The following SYT1 variants were observed in gnomAD, a reference collection of about 807,000 sequenced individuals.
SYT1 encodes synaptotagmin 1.
Under a neutral mutation model 44.8 loss-of-function variants are expected in SYT1, and 8 were observed. The observed-to-expected ratio is 0.18, with a 90% CI of 0.10 to 0.32. The LOEUF (loss-of-function observed/expected upper bound fraction) is 0.32, where lower values mean the gene tolerates loss of function less well. Ranked by LOEUF, SYT1 falls within the 10% of genes least tolerant of loss-of-function variation. SYT1 has a pLI of 1.00. For synonymous variants in SYT1, 154 were observed against 188.8 expected (o/e 0.82, Z 1.51); for missense variants, 286 against 509.3 (o/e 0.56, Z 4.22).
intron 4 of SYT1, among the ~76,000 whole-genome samples, chr12:79,276,686 CAAAA>C (rs924659845): frequency 6.9e-6 from 1 of 145,170 alleles, no homozygotes; most frequent in Admixed American, 6.8e-5. Flanking sequence ...AAAAAAAAAA[CAAAA>C]AAACCAGAAC....
At chr12:79,348,992 AG>A (rs1882737856) in intron 8 of SYT1, among the ~76,000 whole-genome samples, 2 of 95,510 alleles carry the variant, frequency 2.1e-5, no homozygotes, top group South Asian at 3.6e-4. Flanking sequence ...AGAAAGAAAG[AG>A]AGAAGGAAAG....
chr12:79,402,676 G>C (rs1329388597), intron 9 of SYT1, among the ~76,000 whole-genome samples: 1 of 152,198 alleles, frequency 6.6e-6, no homozygotes. Context: ...TTGATGTAGA[G>C]ATCTCTGTGA....
chr12:78,970,093 G>A (rs1285817590), intron 1 of SYT1, among the ~76,000 whole-genome samples: 1 of 152,140 alleles, frequency 6.6e-6, no homozygotes, highest in Non-Finnish European at 1.5e-5. Context: ...TCCACTCAAT[G>A]TATTAATGAT....
At chr12:79,220,494 C>A (rs1875093007) in intron 4 of SYT1, among the ~76,000 whole-genome samples, 1 of 151,726 alleles carries the variant, frequency 6.6e-6, no homozygotes, top group Non-Finnish European at 1.5e-5. Flanking sequence ...TCTTGAGGTT[C>A]AACATTAGGC....
chr12:79,365,744 G>C (rs1883513828), intron 9 of SYT1, among the ~76,000 whole-genome samples: 1 of 143,826 alleles, frequency 7.0e-6, no homozygotes, highest in South Asian at 2.2e-4. Context: ...AATAAGAAAG[G>C]ATTTTAAAGT....
Position 79,335,826 on chromosome 12 carries a change from A to C in SYT1, c.811-17676A>C, listed in dbSNP as rs182249689. ...AAAGGACATCTCTGGCTGTTCCAGC[A>C]ACAGCCAGAACTTGTTTCTGTTCTG... is the stretch of plus-strand genomic sequence containing the variant. On this transcript the variant is annotated intron_variant, in intron 8 of 10. Coordinates refer to ENST00000261205, the MANE Select transcript of SYT1 (RefSeq NM_005639.3). Among the ~76,000 whole-genome samples, 200 of 152,326 alleles carry C rather than the reference A, an allele frequency of 1.3e-3. 3 individuals carry two copies. Among genetic ancestry groups the C allele is most frequent in the African/African-American group, 4.6e-3 (191 of 41,572 alleles).
chr12:79,193,489 C>T (rs1386646988), intron 3 of SYT1, among the ~76,000 whole-genome samples: 1 of 152,102 alleles, frequency 6.6e-6, no homozygotes, highest in African/African-American at 2.4e-5. Context: ...AGTTAAAATT[C>T]AGGTGTGTAA....
chr12:78,883,047 T>A (rs1467096241), intron 1 of SYT1, among the ~76,000 whole-genome samples: 3 of 151,644 alleles, frequency 2.0e-5, no homozygotes, highest in Non-Finnish European at 3.0e-5. Context: ...TATGATTTTT[T>A]AAAAAAATAT....
intron 6 of SYT1, among the ~76,000 whole-genome samples, chr12:79,295,444 A>G (rs1879834497): frequency 1.3e-5 from 2 of 152,222 alleles, no homozygotes; most frequent in African/African-American, 4.8e-5. Flanking sequence ...TGAAGCTGAA[A>G]TTACATTTCT....
chr12:79,368,849 G>A (rs1020987643), intron 9 of SYT1, among the ~76,000 whole-genome samples: 1 of 152,158 alleles, frequency 6.6e-6, no homozygotes, highest in African/African-American at 2.4e-5. Context: ...TCTGTAGGTT[G>A]CCTGTTCACT....
At chr12:79,361,414 T>C (rs1222370612) in intron 9 of SYT1, among the ~76,000 whole-genome samples, 1 of 152,172 alleles carries the variant, frequency 6.6e-6, no homozygotes, top group Non-Finnish European at 1.5e-5. Flanking sequence ...TAGGTCCTTA[T>C]CATTGCTCAG....
At chr12:78,961,325 T>A (rs994642342) in intron 1 of SYT1, among the ~76,000 whole-genome samples, 1 of 152,002 alleles carries the variant, frequency 6.6e-6, no homozygotes, top group Non-Finnish European at 1.5e-5. Context: ...CCCAAGCTGG[T>A]CTTGAACTCC....
intron 3 of SYT1, among the ~76,000 whole-genome samples, chr12:79,115,807 A>G (rs946562777): frequency 2.0e-5 from 3 of 152,182 alleles, no homozygotes; most frequent in African/African-American, 7.2e-5. Flanking sequence ...ATTGCTCAGC[A>G]TGCCATCCAG....
chr12:79,086,369 A>G (rs954155913), intron 3 of SYT1, among the ~76,000 whole-genome samples: 2 of 152,144 alleles, frequency 1.3e-5, no homozygotes, highest in Admixed American at 6.6e-5. Flanking sequence ...GAAATATAAA[A>G]TGTGATTAGT....
intron 3 of SYT1, among the ~76,000 whole-genome samples, chr12:79,070,541 CTTCTA>C (rs1326597359): frequency 6.6e-6 from 1 of 152,182 alleles, no homozygotes; most frequent in South Asian, 2.1e-4. Flanking sequence ...TGAGGTTACA[CTTCTA>C]TTCTAAGTTC....
chr12:79,390,886 C>A lies in SYT1; in HGVS notation c.928+37267C>A, dbSNP rs113744913. 8.8e-3 allele frequency among the ~76,000 whole-genome samples: 1,342 copies of A among 152,268 alleles called. 11 individuals are homozygous for A. Among genetic ancestry groups the A allele is most frequent in the African/African-American group, 0.024 (986 of 41,534 alleles). On this transcript the variant is annotated intron_variant, in intron 9 of 10. Coordinates refer to ENST00000261205, the MANE Select transcript of SYT1 (RefSeq NM_005639.3). ...CAAATTGCTCATCCTTATGAAGTAG[C>A]CTTCCCCAGAACCTGACTTGCTACA...
At chr12:79,052,960 G>T (rs1874628047) in intron 3 of SYT1, among the ~76,000 whole-genome samples, 1 of 152,052 alleles carries the variant, frequency 6.6e-6, no homozygotes, top group Admixed American at 6.6e-5. Context: ...GATTCCTCAG[G>T]GATCTAGAAC....
chr12:79,214,678 C>A (rs906535088), intron 3 of SYT1, among the ~76,000 whole-genome samples: 7 of 152,178 alleles, frequency 4.6e-5, no homozygotes, highest in Non-Finnish European at 8.8e-5. Flanking sequence ...TGACCAGCAA[C>A]AATATCCCAC....
intron 9 of SYT1, among the ~76,000 whole-genome samples, chr12:79,438,974 C>T (rs17005597): frequency 0.012 from 1,789 of 152,058 alleles, 43 homozygotes; most frequent in African/African-American, 0.041. Context: ...AAAGGAGTCA[C>T]GAGAAAAAGT....
Sources: gnomAD v4.1 joint callset for allele counts (sites outside exome capture counted in the v4.1 genomes callset) on GRCh38, gnomAD v4.1.1 for gene constraint, MANE v1.5 for transcripts, NCBI Gene and HGNC (gene_info 2026-07-23, HGNC 2026-07-21) for gene names.